ZFHX3: variants seen among roughly 807,000 people sequenced by gnomAD.
ZFHX3 encodes the protein zinc finger homeobox protein 3.
ZFHX3 carries 42 observed loss-of-function variants against 279.1 expected under a neutral mutation model. The observed-to-expected ratio is 0.15, with a 90% CI of 0.12 to 0.19. ZFHX3 has a LOEUF of 0.19. Among genes scored for constraint, ZFHX3 ranks in the 10% least tolerant of loss-of-function variants. The probability of loss-of-function intolerance (pLI) is 1.00; values close to 1 mark genes in which losing one functional copy is unlikely to be tolerated. For synonymous variants in ZFHX3, 2,293 were observed against 1,957.8 expected, an observed-to-expected ratio of 1.17 and a Z score of -4.52; for missense variants, 4,981 against 4,754.0, an observed-to-expected ratio of 1.05 and a Z score of -1.40.
intron 8 of ZFHX3, among the ~76,000 whole-genome samples, chr16:73,088,671 A>G (rs62052377): frequency 0.016 from 2,437 of 152,280 alleles, 28 homozygotes; most frequent in South Asian, 0.05. Flanking sequence ...TAGTGAGGGC[A>G]TGGATCCAGG....
chr16:72,897,853 A>T (rs1331665516), intron 3 of ZFHX3, among the ~76,000 whole-genome samples: 1 of 149,090 alleles, frequency 6.7e-6, no homozygotes, highest in Non-Finnish European at 1.5e-5. Context: ...GCAAGGTCAC[A>T]CAGAGCATGG....
intron 2 of ZFHX3, among the ~76,000 whole-genome samples, chr16:73,659,080 A>G (rs944439664): frequency 1.3e-5 from 2 of 152,148 alleles, no homozygotes; most frequent in African/African-American, 4.8e-5. Flanking sequence ...TAGAAAGGAG[A>G]TGTGGTTGGA....
chr16:73,593,672 T>A (rs1463790201), intron 2 of ZFHX3, among the ~76,000 whole-genome samples: 1 of 152,034 alleles, frequency 6.6e-6, no homozygotes, highest in East Asian at 1.9e-4. Flanking sequence ...CTATGACATA[T>A]ATAAAGACTG....
intron 1 of ZFHX3, among the ~76,000 whole-genome samples, chr16:73,003,512 A>ACCCCCCCCCCCCCC (rs142323888): frequency 1.7e-5 from 2 of 120,680 alleles, no homozygotes; most frequent in African/African-American, 6.4e-5. Flanking sequence ...ACATGGTGAG[A>ACCCCCCCCCCCCCC]CCCCCCCCTC....
intron 3 of ZFHX3, among the ~76,000 whole-genome samples, chr16:73,399,437 G>C (rs949342342): frequency 9.2e-5 from 14 of 152,084 alleles, no homozygotes; most frequent in African/African-American, 3.4e-4. Context: ...CCAACCTTGG[G>C]GACACGCAGC....
intron 1 of ZFHX3, among the ~76,000 whole-genome samples, chr16:73,880,682 T>C (rs1306413324): frequency 3.9e-5 from 6 of 152,194 alleles, no homozygotes; most frequent in Non-Finnish European, 7.4e-5. Flanking sequence ...AGAAGGTGTG[T>C]GCAGTCTCCA....
At chr16:72,872,558 A>C (rs1284370784) in intron 4 of ZFHX3, among the ~76,000 whole-genome samples, 1 of 152,120 alleles carries the variant, frequency 6.6e-6, no homozygotes. Flanking sequence ...CCCGGGTTCA[A>C]GCAATTCTCA....
At chr16:72,968,814 G>GT (rs1330679802) in intron 1 of ZFHX3, among the ~76,000 whole-genome samples, 3 of 152,112 alleles carry the variant, frequency 2.0e-5, no homozygotes, top group Non-Finnish European at 4.4e-5. Flanking sequence ...GAATGTCTTT[G>GT]TTTTTTAAAA....
chr16:73,797,684 G>A (rs1960033569), intron 1 of ZFHX3, among the ~76,000 whole-genome samples: 1 of 152,066 alleles, frequency 6.6e-6, no homozygotes, highest in African/African-American at 2.4e-5. Flanking sequence ...CCATGGGTAA[G>A]TCAGGAAGCT....
chr16:73,697,200 A>G (rs2053205366), intron 1 of ZFHX3, among the ~76,000 whole-genome samples: 1 of 151,320 alleles, frequency 6.6e-6, no homozygotes, highest in Admixed American at 6.6e-5. Flanking sequence ...GAAAACATCT[A>G]TCATGAATTC....
chr16:73,739,386 C>A (rs754947419), intron 1 of ZFHX3, among the ~76,000 whole-genome samples: 1 of 152,110 alleles, frequency 6.6e-6, no homozygotes, highest in Non-Finnish European at 1.5e-5. Context: ...CTGTGCATTA[C>A]GAGTTATTTA....
chr16:73,198,680 C>G (rs546042807), intron 5 of ZFHX3, among the ~76,000 whole-genome samples: 1 of 152,138 alleles, frequency 6.6e-6, no homozygotes, highest in Admixed American at 6.6e-5. Flanking sequence ...GGTGGCTCAT[C>G]CTCGCTACAG....
chr16:73,501,696 C>T (rs1306613788), intron 2 of ZFHX3, among the ~76,000 whole-genome samples: 3 of 151,988 alleles, frequency 2.0e-5, no homozygotes, highest in South Asian at 2.1e-4. Flanking sequence ...ACTCAAACTG[C>T]GAACAAAATG....
At chr16:73,159,107 C>T (rs537127160) in intron 5 of ZFHX3, among the ~76,000 whole-genome samples, 1 of 152,160 alleles carries the variant, frequency 6.6e-6, no homozygotes, top group Non-Finnish European at 1.5e-5. Context: ...AGAGCATCTG[C>T]ACAACAAAAG....
At chr16:73,845,124 G>A (rs1961415336) in intron 1 of ZFHX3, among the ~76,000 whole-genome samples, 1 of 152,152 alleles carries the variant, frequency 6.6e-6, no homozygotes, top group African/African-American at 2.4e-5. Flanking sequence ...AAGGAAGTGA[G>A]TTTGAAGTCA....
At chr16:73,399,590 A>G (rs1177003100) in intron 3 of ZFHX3, among the ~76,000 whole-genome samples, 1 of 152,174 alleles carries the variant, frequency 6.6e-6, no homozygotes, top group Admixed American at 6.5e-5. Context: ...ATTCAGGAGT[A>G]TTGACATGCT....
intron 2 of ZFHX3, 55 bp downstream of exon 2, chr16:72,957,372 T>C (rs934095093): frequency 1.3e-6 from 2 of 1,537,900 alleles, no homozygotes; most frequent in African/African-American, 1.4e-5. Context: ...CTATTCACCA[T>C]TCTCCCTGGT....
intron 1 of ZFHX3, among the ~76,000 whole-genome samples, chr16:73,852,396 A>G (rs1961614092): frequency 6.6e-6 from 1 of 152,228 alleles, no homozygotes; most frequent in African/African-American, 2.4e-5. Flanking sequence ...TGCATATTTC[A>G]ATATAAATTG....
At chr16:73,571,951 G>A (rs2051741708) in intron 2 of ZFHX3, among the ~76,000 whole-genome samples, 1 of 151,926 alleles carries the variant, frequency 6.6e-6, no homozygotes, top group South Asian at 2.1e-4. Context: ...TCAGTGAAAA[G>A]GACTAAATAC....
Sources: allele counts gnomAD v4.1 joint callset (sites outside exome capture counted in the v4.1 genomes callset), GRCh38; gene constraint gnomAD v4.1.1; transcripts MANE v1.5; gene names NCBI Gene and HGNC (gene_info 2026-07-23, HGNC 2026-07-21).